Variants in TNR observed in about 807,000 individuals in gnomAD.
The protein encoded by TNR is tenascin R, also known as tenascin-R.
TNR carries 45 observed loss-of-function variants against 150.4 expected under a neutral mutation model. That is an observed-to-expected ratio of 0.30 (90% CI 0.24 to 0.38). TNR has a LOEUF of 0.38. TNR is among the 10% of genes least tolerant of loss of function. TNR has a pLI of 1.00. For missense variants in TNR, 1,544 were observed against 1,759.1 expected (o/e 0.88, Z 2.19); for synonymous variants, 687 against 678.4 (o/e 1.01, Z -0.20).
At chr1:175,499,433 C>T (rs1177696281) in intron 2 of TNR, among the ~76,000 whole-genome samples, 1 of 152,006 alleles carries the variant, frequency 6.6e-6, no homozygotes, top group Non-Finnish European at 1.5e-5. Flanking sequence ...GCTCCTTGGC[C>T]CATCCCATTA....
At chr1:175,595,948 G>T (rs886245609) in intron 1 of TNR, among the ~76,000 whole-genome samples, 7 of 150,190 alleles carry the variant, frequency 4.7e-5, no homozygotes, top group Non-Finnish European at 7.4e-5. Context: ...TAAACAACTT[G>T]TGGTGGAGGC....
intron 1 of TNR, among the ~76,000 whole-genome samples, chr1:175,651,592 C>T (rs995684243): frequency 1.3e-5 from 2 of 151,892 alleles, no homozygotes; most frequent in African/African-American, 4.8e-5. Flanking sequence ...TTGAAGAACT[C>T]CTTCCAGAGA....
intron 9 of TNR, among the ~76,000 whole-genome samples, chr1:175,376,020 G>A (rs973721523): frequency 1.3e-5 from 2 of 152,078 alleles, no homozygotes; most frequent in African/African-American, 2.4e-5. Flanking sequence ...CCTGAGTGGG[G>A]TACTTCCACA....
At chr1:175,339,217 CA>C (rs1484217431) in intron 18 of TNR, among the ~76,000 whole-genome samples, 2 of 152,130 alleles carry the variant, frequency 1.3e-5, no homozygotes, top group Non-Finnish European at 2.9e-5. Context: ...TCTACTAAAG[CA>C]GGAAATATAA....
intron 1 of TNR, among the ~76,000 whole-genome samples, chr1:175,532,403 G>C (rs770117213): frequency 3.3e-5 from 5 of 152,068 alleles, no homozygotes; most frequent in Non-Finnish European, 7.4e-5. Context: ...AATAAACAAG[G>C]CTTCCTACCA....
chr1:175,696,229 T>TTG lies in TNR; in HGVS notation c.-165+46996_-165+46997insCA, dbSNP rs1558077885. ...GAGCCTTCCTGTAGTTTTTTTTTTTTTTTTTTTTTTTTTTTCCAAAATTTA... is the reference window on the plus strand; with the variant it reads ...GAGCCTTCCTGTAGTTTTTTTTTTTTTGTTTTTTTTTTTTTTTCCAAAATTTA... On this transcript the variant is annotated intron_variant, in intron 1 of 22. Coordinates refer to ENST00000367674, the MANE Select transcript of TNR (RefSeq NM_003285.3). 2.5e-4 allele frequency among the ~76,000 whole-genome samples: 30 copies of TTG among 121,728 alleles called. 2 individuals are homozygous for TTG. The highest frequency in any genetic ancestry group is 8.6e-4 in the African/African-American group (27 of 31,490). 79.9% of individuals were successfully genotyped at this position (121,728 alleles called of 152,430 possible).
chr1:175,366,523 C>T (rs1385539), intron 10 of TNR, among the ~76,000 whole-genome samples: 12,307 of 152,306 alleles, frequency 0.081, 586 homozygotes, highest in South Asian at 0.14. Context: ...AAGCGCACCA[C>T]CCTCCAACCC....
intron 1 of TNR, among the ~76,000 whole-genome samples, chr1:175,632,716 C>A (rs1395166651): frequency 1.3e-5 from 2 of 152,168 alleles, no homozygotes; most frequent in East Asian, 3.9e-4. Context: ...GAGAATGGCC[C>A]TGCAAGGTCT....
intron 1 of TNR, among the ~76,000 whole-genome samples, chr1:175,689,522 A>G (rs1044934248): frequency 6.6e-6 from 1 of 152,158 alleles, no homozygotes; most frequent in Non-Finnish European, 1.5e-5. Context: ...CCAGGCTGCC[A>G]GCTCCCTTGA....
intron 1 of TNR, among the ~76,000 whole-genome samples, chr1:175,530,334 A>C (rs976758632): frequency 6.6e-5 from 10 of 152,132 alleles, no homozygotes; most frequent in Admixed American, 2.6e-4. Context: ...TTAGGGCCCC[A>C]CACACACCCG....
At chr1:175,356,517 G>A in intron 15 of TNR, 55 bp from the exon 16 acceptor site, 1 of 1,594,162 alleles carries the variant, frequency 6.3e-7, no homozygotes, top group African/African-American at 1.3e-5. Flanking sequence ...GTTTAGGAAA[G>A]ATCTACCAAA....
chr1:175,425,951 G>C (rs1423579870), intron 2 of TNR, among the ~76,000 whole-genome samples: 1 of 152,122 alleles, frequency 6.6e-6, no homozygotes, highest in Non-Finnish European at 1.5e-5. Context: ...TTACAGACCT[G>C]GGTGGGCCTC....
At chr1:175,373,122 T>A (rs1163862175) in intron 9 of TNR, among the ~76,000 whole-genome samples, 1 of 152,006 alleles carries the variant, frequency 6.6e-6, no homozygotes, top group Non-Finnish European at 1.5e-5. Context: ...TGGGGAGTGT[T>A]GGGGAGACTC....
chr1:175,547,693 A>AAAAG (rs1660768328), intron 1 of TNR, among the ~76,000 whole-genome samples: 1 of 152,154 alleles, frequency 6.6e-6, no homozygotes, highest in Non-Finnish European at 1.5e-5. Flanking sequence ...AAAGAAAGAA[A>AAAAG]AAAGAAAGAG....
chr1:175,513,953 G>A (rs1448284618), intron 2 of TNR, among the ~76,000 whole-genome samples: 1 of 152,202 alleles, frequency 6.6e-6, no homozygotes, highest in East Asian at 1.9e-4. Context: ...TGACTCTGAT[G>A]TCACCATTGG....
chr1:175,324,308 G>C, intron 22 of TNR, 48 bp downstream of exon 22: 1 of 1,584,496 alleles, frequency 6.3e-7, no homozygotes, highest in Non-Finnish European at 8.6e-7. Context: ...AGGGAGCACG[G>C]ATTCCACAGC....
chr1:175,692,032 T>G (rs911392138), intron 1 of TNR, among the ~76,000 whole-genome samples: 1 of 152,224 alleles, frequency 6.6e-6, no homozygotes, highest in African/African-American at 2.4e-5. Context: ...TTTTGCACTT[T>G]GCATCGGCAA....
Position 175,323,397 on chromosome 1 carries a change from C to T in TNR, c.4037G>A (p.Arg1346His), listed in dbSNP as rs200613814. The change falls in exon 23 of 23, where the codon CGT (arginine) becomes CAT (histidine). Residue 1346 changes from arginine to histidine, a missense_variant. By Grantham distance (29) the Arg-to-His change is conservative. This residue lies in a region of TNR where 290 missense variants were observed against 429.7 expected (regional missense o/e 0.67). Coordinates refer to ENST00000367674, the MANE Select transcript of TNR (RefSeq NM_003285.3). Reference sequence around the variant, plus strand: ...CTGCCGTTTTCTCCCTGCCATGAGACGGTGGTTGTAGGGGCGCATCTTCAT... The same window carrying T: ...CTGCCGTTTTCTCCCTGCCATGAGATGGTGGTTGTAGGGGCGCATCTTCAT... The part of the protein sequence containing the change: ...VEMKMRPYNH[R>H]LMAGRKRQSL... The T allele has an allele frequency of 3.5e-5, 56 of 1,614,126 alleles. No homozygotes were observed. Among genetic ancestry groups the T allele is most frequent in the Non-Finnish European group, 4.0e-5 (47 of 1,179,990 alleles).
chr1:175,591,831 G>A (rs1323618647), intron 1 of TNR, among the ~76,000 whole-genome samples: 1 of 152,208 alleles, frequency 6.6e-6, no homozygotes. Flanking sequence ...CTTTGGACAA[G>A]CAATATGAGG....
Sources: allele counts gnomAD v4.1 joint callset (sites outside exome capture counted in the v4.1 genomes callset), GRCh38; gene constraint gnomAD v4.1.1; regional missense constraint gnomAD v4.1.1; transcripts MANE v1.5; gene names NCBI Gene and HGNC (gene_info 2026-07-23, HGNC 2026-07-21).